PALM2AKAP2: variants seen among roughly 807,000 people sequenced by gnomAD.
PALM2AKAP2 encodes the protein PALM2-AKAP2 fusion protein.
Under a neutral mutation model 71.5 loss-of-function variants are expected in PALM2AKAP2, and 37 were observed. That is an observed-to-expected ratio of 0.52 (90% CI 0.40 to 0.68). The LOEUF (loss-of-function observed/expected upper bound fraction) is 0.68, where lower values mean the gene tolerates loss of function less well. PALM2AKAP2 is among the 30% of genes least tolerant of loss of function. PALM2AKAP2 has a pLI of 0.00. For synonymous variants in PALM2AKAP2, 468 were observed against 478.8 expected, an observed-to-expected ratio of 0.98 and a Z score of 0.29; for missense variants, 1,224 against 1,191.8, an observed-to-expected ratio of 1.03 and a Z score of -0.40.
At chr9:109,821,327 A>G (rs1466148141) in intron 1 of PALM2AKAP2, among the ~76,000 whole-genome samples, 1 of 152,228 alleles carries the variant, frequency 6.6e-6, no homozygotes. Context: ...AACTGAAATT[A>G]TAATGAAACA....
chr9:109,786,837 G>A (rs1271721815), intron 1 of PALM2AKAP2, among the ~76,000 whole-genome samples: 1 of 152,192 alleles, frequency 6.6e-6, no homozygotes, highest in African/African-American at 2.4e-5. Context: ...AAGTGAGGGG[G>A]GTTGTGGGTT....
chr9:110,048,678 C>T (rs756568687), upstream of PALM2AKAP2: 11 of 1,516,640 alleles, frequency 7.3e-6, no homozygotes, highest in East Asian at 2.1e-4. Context: ...CCAGCGCGCC[C>T]GGAGGCTACC....
intron 1 of PALM2AKAP2, among the ~76,000 whole-genome samples, chr9:110,131,509 A>G (rs1835734141): frequency 2.0e-5 from 3 of 152,256 alleles, no homozygotes; most frequent in South Asian, 4.1e-4. Context: ...CAAAGAGAGC[A>G]ATAAGCATTT....
intron 1 of PALM2AKAP2, among the ~76,000 whole-genome samples, chr9:110,120,124 A>G (rs1233408897): frequency 6.6e-6 from 1 of 152,228 alleles, no homozygotes; most frequent in Non-Finnish European, 1.5e-5. Context: ...TATTAGTTAT[A>G]CAAATCAAAA....
intron 5 of PALM2AKAP2, among the ~76,000 whole-genome samples, chr9:109,930,574 G>A (rs866175353): frequency 2.0e-5 from 3 of 152,160 alleles, no homozygotes; most frequent in Admixed American, 1.3e-4. Context: ...TGAACATAAT[G>A]GTCTAATGTC....
At chr9:110,160,961 C>T (rs1434937861) in intron 3 of PALM2AKAP2, among the ~76,000 whole-genome samples, 1 of 152,178 alleles carries the variant, frequency 6.6e-6, no homozygotes, top group Non-Finnish European at 1.5e-5. Flanking sequence ...GAGTTCCTGG[C>T]ACACATTACC....
chr9:109,792,619 C>T (rs529055433), intron 1 of PALM2AKAP2, among the ~76,000 whole-genome samples: 1 of 152,098 alleles, frequency 6.6e-6, no homozygotes, highest in African/African-American at 2.4e-5. Flanking sequence ...CTTTGAAGAC[C>T]CTAAAAATCA....
intron 7 of PALM2AKAP2, among the ~76,000 whole-genome samples, chr9:110,035,304 C>T (rs997409769): frequency 7.2e-6 from 1 of 139,216 alleles, no homozygotes; most frequent in Non-Finnish European, 1.5e-5. Context: ...ATGTATAATA[C>T]ATATTACATA....
At chr9:109,712,428 G>A (rs1828256521) in intron 1 of PALM2AKAP2, among the ~76,000 whole-genome samples, 1 of 152,184 alleles carries the variant, frequency 6.6e-6, no homozygotes, top group African/African-American at 2.4e-5. Context: ...TAGACTTATG[G>A]AATACGTTTT....
At chr9:109,962,166 C>T (rs768335751) in intron 6 of PALM2AKAP2, among the ~76,000 whole-genome samples, 13 of 152,184 alleles carry the variant, frequency 8.5e-5, no homozygotes, top group Non-Finnish European at 1.6e-4. Flanking sequence ...AGTTCTGGTT[C>T]GACTGCTACC....
At chr9:109,902,581 G>A (rs1419790481) in intron 3 of PALM2AKAP2, among the ~76,000 whole-genome samples, 2 of 152,264 alleles carry the variant, frequency 1.3e-5, no homozygotes, top group African/African-American at 2.4e-5. Context: ...TGTCAGCATT[G>A]ACTTCTTTTG....
Position 109,867,573 on chromosome 9 carries a change from T to G in PALM2AKAP2, c.126+2T>G. 6.2e-7 allele frequency: 1 copy of G among 1,612,278 alleles called. No homozygotes were observed. The highest frequency in any genetic ancestry group is 8.5e-7 in the Non-Finnish European group (1 of 1,179,594). On this transcript the variant is annotated splice_donor_variant, in intron 2 of 9. Coordinates refer to the PALM2AKAP2 transcript ENST00000302798. LOFTEE classifies it high-confidence loss of function. ...ATACTTCTGCTGCAGCATTCCAAGGTAAGCAGCTGATCCCAGGAACCTATT... is the reference window on the plus strand; with the variant it reads ...ATACTTCTGCTGCAGCATTCCAAGGGAAGCAGCTGATCCCAGGAACCTATT...
rs139564817 is a variant in PALM2AKAP2, at chr9:110,136,928, G to A, written c.958G>A (p.Val320Ile). ...GAGAGAGCTCATCCGCAGCCAGGCCGTCAAGAAGAATCCTGGCATTGCAGC... is the reference window on the plus strand; with the variant it reads ...GAGAGAGCTCATCCGCAGCCAGGCCATCAAGAAGAATCCTGGCATTGCAGC... The change falls in exon 2 of 4, where the codon GTC (valine) becomes ATC (isoleucine). Residue 320 changes from valine (V) to isoleucine (I), a missense_variant. Val to Ile is a conservative substitution (Grantham distance 29). Transcript: ENST00000374525. The A allele has an allele frequency of 2.5e-5, 41 of 1,614,046 alleles. No homozygotes were observed. The highest frequency in any genetic ancestry group is 7.7e-5 in the South Asian group (7 of 91,084).
intron 1 of PALM2AKAP2, among the ~76,000 whole-genome samples, chr9:109,734,206 C>A (rs896779221): frequency 1.3e-4 from 20 of 152,130 alleles, no homozygotes; most frequent in Admixed American, 3.9e-4. Context: ...CTCTTCCTCC[C>A]TTTGCAGTGG....
At chr9:110,032,845 A>G (rs944763312) in intron 7 of PALM2AKAP2, among the ~76,000 whole-genome samples, 1 of 152,064 alleles carries the variant, frequency 6.6e-6, no homozygotes, top group Non-Finnish European at 1.5e-5. Flanking sequence ...GACAGGTGGG[A>G]GAATCACTTG....
intron 1 of PALM2AKAP2, among the ~76,000 whole-genome samples, chr9:109,742,322 G>T (rs1029016499): frequency 6.6e-6 from 1 of 150,848 alleles, no homozygotes; most frequent in East Asian, 1.9e-4. Context: ...CACTTGAGTC[G>T]ACTGAAGAGA....
At chr9:109,769,448 GC>G (rs1367118192) in intron 1 of PALM2AKAP2, among the ~76,000 whole-genome samples, 1 of 152,134 alleles carries the variant, frequency 6.6e-6, no homozygotes, top group African/African-American at 2.4e-5. Context: ...TTAATGAAAA[GC>G]CTGCTCCATT....
intron 6 of PALM2AKAP2, among the ~76,000 whole-genome samples, chr9:109,950,986 A>T (rs1330384024): frequency 6.6e-6 from 1 of 152,366 alleles, no homozygotes; most frequent in East Asian, 1.9e-4. Context: ...ACTATTCTGT[A>T]TGTAGCTCCA....
At chr9:110,153,434 G>A (rs6477743) in intron 2 of PALM2AKAP2, among the ~76,000 whole-genome samples, 104,041 of 152,090 alleles carry the variant, frequency 0.68, 35,789 homozygotes, top group East Asian at 0.96. Flanking sequence ...AAAAGAAGTG[G>A]TATATAAATC....
Sources: gnomAD v4.1 joint callset for allele counts (sites outside exome capture counted in the v4.1 genomes callset) on GRCh38, gnomAD v4.1.1 for gene constraint, MANE v1.5 for transcripts, NCBI Gene and HGNC (gene_info 2026-07-23, HGNC 2026-07-21) for gene names.